Variants in NCOA1 observed in about 807,000 individuals in gnomAD.
NCOA1 encodes nuclear receptor coactivator 1, also known as Hin-2 protein.
A neutral mutation model predicts 150.9 loss-of-function variants in NCOA1; 35 were observed. The ratio of observed to expected loss-of-function variants is 0.23; its 90% CI spans 0.18 to 0.31. The LOEUF is 0.31. Ranked by LOEUF, NCOA1 falls within the 10% of genes least tolerant of loss-of-function variation. The pLI is 1.00. For synonymous variants in NCOA1, 590 were observed against 630.0 expected (o/e 0.94, Z 0.95); for missense variants, 1,491 against 1,749.3 (o/e 0.85, Z 2.63).
At chr2:24,767,873 T>A (rs1665147422) in intron 22 of NCOA1, 1 of 506,238 alleles carries the variant, frequency 2.0e-6, no homozygotes, top group Non-Finnish European at 3.5e-6. Flanking sequence ...TTTCTAAATA[T>A]CATGTATTTT....
intron 5 of NCOA1, among the ~76,000 whole-genome samples, chr2:24,661,056 C>T (rs897185351): frequency 1.4e-4 from 21 of 150,704 alleles, no homozygotes; most frequent in Non-Finnish European, 3.0e-4. Context: ...AGCAAAACTC[C>T]GGCTCAAAAA....
intron 13 of NCOA1, among the ~76,000 whole-genome samples, chr2:24,710,153 GC>G (rs1673669243): frequency 1.3e-5 from 2 of 152,028 alleles, no homozygotes; most frequent in African/African-American, 2.4e-5. Context: ...GAGTGCAGTG[GC>G]ACGATCTCGG....
intron 10 of NCOA1, among the ~76,000 whole-genome samples, chr2:24,696,226 T>C (rs563588775): frequency 2.0e-5 from 3 of 152,180 alleles, no homozygotes; most frequent in African/African-American, 7.2e-5. Context: ...AGACCCGAAG[T>C]TAAAAAGGTC....
intron 19 of NCOA1, 35 bp downstream of exon 19, chr2:24,742,221 A>G (rs999545936): frequency 1.3e-6 from 2 of 1,573,624 alleles, no homozygotes; most frequent in Non-Finnish European, 1.7e-6. Context: ...GTTCTAAGTA[A>G]TCCATACAGG....
rs568031849 is a variant in NCOA1, at chr2:24,712,272, G to A, written c.2599+1161G>A. Among the ~76,000 whole-genome samples the A allele has an allele frequency of 8.5e-5, 13 of 152,310 alleles. No homozygotes were observed. In the South Asian group the frequency reaches 2.7e-3, roughly 32 times the overall value. ...AAGCAGTGAGGCTCTAGACTGGAAT[G>A]TCAGTCACAATTGAGGAAACAGTAA... On this transcript the variant is annotated intron_variant, in intron 14 of 22. Coordinates refer to ENST00000348332, the MANE Select transcript of NCOA1 (RefSeq NM_003743.5).
At chr2:24,511,074 A>G (rs1256219865) in intron 1 of NCOA1, among the ~76,000 whole-genome samples, 1 of 152,158 alleles carries the variant, frequency 6.6e-6, no homozygotes, top group Non-Finnish European at 1.5e-5. Context: ...TATTTTGTAC[A>G]TTTCATGTAA....
intron 1 of NCOA1, among the ~76,000 whole-genome samples, chr2:24,523,605 C>CAAAAAAAAAAAAAAAAAAAAAAAAA (rs979559677): frequency 1.1e-4 from 2 of 17,704 alleles, no homozygotes; most frequent in Non-Finnish European, 2.5e-4. Flanking sequence ...GACTCCGTCT[C>CAAAAAAAAAAAAAAAAAAAAAAAAA]AAAAAAAAAA....
chr2:24,608,585 A>G (rs1668476278), intron 3 of NCOA1, among the ~76,000 whole-genome samples: 1 of 151,400 alleles, frequency 6.6e-6, no homozygotes, highest in South Asian at 2.1e-4. Context: ...CATTATTAAC[A>G]TTTGCATTAC....
chr2:24,656,859 A>C (rs1046617249), intron 4 of NCOA1, among the ~76,000 whole-genome samples: 1 of 152,154 alleles, frequency 6.6e-6, no homozygotes, highest in Admixed American at 6.5e-5. Flanking sequence ...CTTTACCCAT[A>C]TATCTGTTGA....
chr2:24,561,992 C>T (rs976646013), intron 1 of NCOA1, among the ~76,000 whole-genome samples: 5 of 151,812 alleles, frequency 3.3e-5, no homozygotes, highest in African/African-American at 1.2e-4. Flanking sequence ...AGTTTAGAGC[C>T]AAATCTCACT....
intron 4 of NCOA1, among the ~76,000 whole-genome samples, chr2:24,647,930 A>G (rs1176945626): frequency 6.6e-6 from 1 of 152,190 alleles, no homozygotes; most frequent in Non-Finnish European, 1.5e-5. Flanking sequence ...ATGTGTGAGC[A>G]TTCTTTTTAT....
Position 24,706,859 on chromosome 2 carries a change from G to T in NCOA1, c.1389G>T (p.Gln463His). Reference protein sequence around the residue: ...VALNQGQASSQSSNPSLNLNN... With the variant: ...VALNQGQASSHSSNPSLNLNN... ...TAAACCAAGGACAGGCCAGTTCACA[G>T]AGCAGTAATCCCTCTTTAAACCTCA... The change falls in exon 13 of 23, where the codon CAG (glutamine) becomes CAT (histidine). Residue 463 changes from glutamine to histidine, a missense_variant. By Grantham distance (24) the Gln-to-His change is conservative. Coordinates refer to ENST00000348332, the MANE Select transcript of NCOA1 (RefSeq NM_003743.5). 6.2e-7 allele frequency: 1 copy of T among 1,614,198 alleles called. No individual in the cohort carries two copies. The highest frequency in any genetic ancestry group is 8.5e-7 in the Non-Finnish European group (1 of 1,180,036).
chr2:24,615,967 T>A (rs1668856503), intron 3 of NCOA1, among the ~76,000 whole-genome samples: 1 of 152,210 alleles, frequency 6.6e-6, no homozygotes, highest in Non-Finnish European at 1.5e-5. Context: ...AAGGACAGTG[T>A]TAGAATATTA....
At chr2:24,704,978 T>C in intron 11 of NCOA1, 108 bp from the exon 12 acceptor site, 1 of 1,144,948 alleles carries the variant, frequency 8.7e-7, no homozygotes, top group Non-Finnish European at 1.2e-6. Flanking sequence ...CAGGCAACAG[T>C]TGGGAGGGCC....
chr2:24,576,533 G>T (rs1009791034), intron 2 of NCOA1, among the ~76,000 whole-genome samples: 1 of 152,042 alleles, frequency 6.6e-6, no homozygotes, highest in African/African-American at 2.4e-5. Flanking sequence ...GCTCTGACTG[G>T]TATCTAATAT....
chr2:24,669,110 A>G (rs1221805139), intron 6 of NCOA1, among the ~76,000 whole-genome samples: 1 of 152,206 alleles, frequency 6.6e-6, no homozygotes, highest in African/African-American at 2.4e-5. Context: ...TCATGGTAGC[A>G]TGTCAGTAGG....
intron 15 of NCOA1, among the ~76,000 whole-genome samples, chr2:24,727,498 C>T (rs1462638706): frequency 2.6e-5 from 4 of 152,188 alleles, no homozygotes; most frequent in African/African-American, 7.2e-5. Flanking sequence ...TCTTACTCCC[C>T]GCAGGCAGCC....
chr2:24,723,531 T>TA (rs1355029383), intron 14 of NCOA1, among the ~76,000 whole-genome samples: 1 of 152,204 alleles, frequency 6.6e-6, no homozygotes, highest in Non-Finnish European at 1.5e-5. Context: ...CCCTAACTGA[T>TA]AATGTTTCCA....
intron 3 of NCOA1, among the ~76,000 whole-genome samples, chr2:24,630,087 C>T (rs1388679621): frequency 1.3e-5 from 2 of 151,880 alleles, no homozygotes; most frequent in African/African-American, 4.8e-5. Context: ...CCTCGTGATC[C>T]GCCCGTCTCG....
Sources: gnomAD v4.1 joint callset for allele counts (sites outside exome capture counted in the v4.1 genomes callset) on GRCh38, gnomAD v4.1.1 for gene constraint, MANE v1.5 for transcripts, NCBI Gene and HGNC (gene_info 2026-07-23, HGNC 2026-07-21) for gene names.